The following TPGS2 variants were observed in gnomAD, a reference collection of about 807,000 sequenced individuals.
TPGS2 encodes the protein tubulin polyglutamylase complex subunit 2.
Under a neutral mutation model 31.1 loss-of-function variants are expected in TPGS2, and 26 were observed. The observed-to-expected ratio is 0.84, with a 90% CI of 0.61 to 1.16. The LOEUF (loss-of-function observed/expected upper bound fraction) is 1.16, where lower values mean the gene tolerates loss of function less well. Ranked by LOEUF, TPGS2 falls within the 50% of genes most tolerant of loss-of-function variation. The pLI is 0.00. For missense variants in TPGS2, 351 were observed against 363.8 expected (o/e 0.96, Z 0.29); for synonymous variants, 130 against 136.6 (o/e 0.95, Z 0.34).
In TPGS2 at chr18:36,807,878, G is replaced by A. The variant is rs2045236015; in HGVS notation, c.222C>T (p.Gly74=). The A allele has an allele frequency of 3.7e-6, 6 of 1,614,156 alleles. No homozygotes were observed. The highest frequency in any genetic ancestry group is 5.1e-6 in the Non-Finnish European group (6 of 1,180,022). ...DVKNFYLMTN[G]FHMTWSVKLD... is the part of the protein sequence containing the mutation. ...GCTTCACACTCCATGTCATGTGGAA[G>A]CCATTGGTCATCAGGTAAAAGTTCT... The change falls in exon 3 of 7, where the codon GGC becomes GGT. Residue 74 remains glycine (G), a synonymous_variant. Transcript: ENST00000334295.
chr18:36,824,798 ATTG>A (rs2046057798), intron 1 of TPGS2, among the ~76,000 whole-genome samples: 1 of 151,988 alleles, frequency 6.6e-6, no homozygotes, highest in African/African-American at 2.4e-5. Flanking sequence ...TATTTTTTGG[ATTG>A]TTTTGTCACT....
chr18:36,796,407 A>C lies in TPGS2; in HGVS notation c.*398T>G. ...TTTTCATACAATTTACTTTAAATTT[A>C]AATAGTCATATGTGACTAGTGGCTC... On this transcript the variant is annotated 3_prime_UTR_variant, in exon 7 of 7. Coordinates refer to ENST00000334295, the MANE Select transcript of TPGS2 (RefSeq NM_015476.4). 2 of 994,930 alleles carry C rather than the reference A, an allele frequency of 2.0e-6. No individual in the cohort carries two copies. The highest frequency in any genetic ancestry group is 2.4e-6 in the Non-Finnish European group (2 of 835,604). 61.6% of individuals were successfully genotyped at this position (994,930 alleles called of 1,614,324 possible).
intron 1 of TPGS2, 74 bp downstream of exon 1, chr18:36,828,609 A>AC (rs2046311588): frequency 4.8e-5 from 73 of 1,530,874 alleles, no homozygotes; most frequent in Non-Finnish European, 6.5e-5. Context: ...CGCACCGCTC[A>AC]CCCCGCACCT....
chr18:36,813,149 A>G (rs2045503703), intron 2 of TPGS2, among the ~76,000 whole-genome samples: 2 of 152,234 alleles, frequency 1.3e-5, no homozygotes, highest in Admixed American at 1.3e-4. Context: ...CTTAAGCCAA[A>G]CATATTCCTA....
At chr18:36,821,844 T>C (rs917571896) in intron 1 of TPGS2, among the ~76,000 whole-genome samples, 16 of 152,216 alleles carry the variant, frequency 1.1e-4, no homozygotes, top group African/African-American at 3.9e-4. Flanking sequence ...CCTCCTCCTG[T>C]TCCCCGCTGG....
Position 36,796,187 on chromosome 18 carries a change from A to G in TPGS2, c.*618T>C. The G allele has an allele frequency of 2.0e-6, 2 of 985,424 alleles. No homozygotes were observed. The highest frequency in any genetic ancestry group is 2.4e-6 in the Non-Finnish European group (2 of 829,936). 61.0% of individuals were successfully genotyped at this position (985,424 alleles called of 1,614,324 possible). On this transcript the variant is annotated 3_prime_UTR_variant, in exon 7 of 7. Transcript: ENST00000334295. ...TACTTGAGAGGTTTCATGGAACATT[A>G]TGACCCATCCAATGAAGACATCAAC... is the stretch of plus-strand genomic sequence containing the variant.
chr18:36,798,623 C>G lies in TPGS2; in HGVS notation c.497-14G>C. On this transcript the variant is annotated splice_polypyrimidine_tract_variant and intron_variant, in intron 5 of 6. Coordinates refer to ENST00000334295, the MANE Select transcript of TPGS2 (RefSeq NM_015476.4). ...CTTCTGCTAATGCTGAAGTAGAAGA[C>G]AAAGGAAGTAAAAGATAAAGAATAG... 1.2e-6 allele frequency: 2 copies of G among 1,608,880 alleles called. No homozygotes were observed. The highest frequency in any genetic ancestry group is 1.7e-6 in the Non-Finnish European group (2 of 1,176,242).
At chr18:36,804,813 T>C (rs778477442) in intron 4 of TPGS2, among the ~76,000 whole-genome samples, 1 of 152,196 alleles carries the variant, frequency 6.6e-6, no homozygotes, top group Non-Finnish European at 1.5e-5. Context: ...AGAAAACCAT[T>C]GTTTTCTTGA....
At chr18:36,793,857 C>A (rs1203887892), downstream of TPGS2, among the ~76,000 whole-genome samples, 12 of 151,996 alleles carry the variant, frequency 7.9e-5, no homozygotes, top group Admixed American at 7.9e-4. Context: ...CCTGCCTCAG[C>A]CTCCCGAGTA....
At chr18:36,793,512 G>A (rs543635039), downstream of TPGS2, among the ~76,000 whole-genome samples, 17 of 152,276 alleles carry the variant, frequency 1.1e-4, no homozygotes, top group Admixed American at 7.8e-4. Flanking sequence ...TCATGAAGGA[G>A]CCCTATCATA....
At position 36,796,826 on chromosome 18, in the gene TPGS2, A is replaced by G. The variant is rs2044549997; in HGVS notation, c.882T>C (p.Ser294=). ...GTGCTCACTTCCGGGTGGGGTTTCC[A>G]GAGCCAGAGGAGGATTTAGAAGTGG... ...TSSTSKSSSG[S]GNPTRK The change falls in exon 7 of 7, where the codon TCT becomes TCC. Residue 294 remains serine, a synonymous_variant. Coordinates refer to ENST00000334295, the MANE Select transcript of TPGS2 (RefSeq NM_015476.4). The G allele has an allele frequency of 1.9e-6, 3 of 1,595,608 alleles. No homozygotes were observed. The highest frequency in any genetic ancestry group is 2.6e-6 in the Non-Finnish European group (3 of 1,175,026).
At chr18:36,827,899 G>A (rs1268439687) in intron 1 of TPGS2, among the ~76,000 whole-genome samples, 4 of 152,028 alleles carry the variant, frequency 2.6e-5, no homozygotes, top group Non-Finnish European at 4.4e-5. Flanking sequence ...CTAACATAGT[G>A]GTGAGTACTA....
rs919277214 is a variant in TPGS2, at chr18:36,823,460, G to GTTTTTTTTTTTTTTTTTT, written c.86-4505_86-4488dup. 7.2e-4 allele frequency among the ~76,000 whole-genome samples: 78 copies of GTTTTTTTTTTTTTTTTTT among 108,082 alleles called. 8 individuals carry two copies. The highest frequency in any genetic ancestry group is 1.2e-3 in the Non-Finnish European group (68 of 54,588). The allele number at this position is 108,082 out of a possible 152,430, so 70.9% of individuals were successfully genotyped here. On this transcript the variant is annotated intron_variant, in intron 1 of 6. Transcript: ENST00000334295. ...TCTCTGACTTCCTTGTTAACAGCTT[G>GTTTTTTTTTTTTTTTTTT]TTTTTTTTTTTTTTTTTTGAGACGG...
At chr18:36,827,503 G>T (rs900347160) in intron 1 of TPGS2, among the ~76,000 whole-genome samples, 3 of 152,224 alleles carry the variant, frequency 2.0e-5, no homozygotes, top group South Asian at 2.1e-4. Flanking sequence ...CCCGCTTAGT[G>T]TGTTTAAGGT....
chr18:36,807,143 G>GT (rs1409552376), intron 3 of TPGS2, among the ~76,000 whole-genome samples: 1 of 152,158 alleles, frequency 6.6e-6, no homozygotes, highest in Non-Finnish European at 1.5e-5. Flanking sequence ...TGGGGAATCT[G>GT]TGCCACGAAC....
intron 2 of TPGS2, chr18:36,817,567 C>G (rs1429806840): frequency 6.6e-6 from 1 of 152,112 alleles, no homozygotes; most frequent in Non-Finnish European, 1.5e-5. Flanking sequence ...TCCCCAATAG[C>G]TGGGAGGACA....
intron 4 of TPGS2, among the ~76,000 whole-genome samples, chr18:36,801,630 C>A (rs1384448204): frequency 6.6e-6 from 1 of 152,178 alleles, no homozygotes; most frequent in Non-Finnish European, 1.5e-5. Context: ...GACTGAACAA[C>A]CTATTTTTTC....
downstream of TPGS2, chr18:36,789,487 A>G (rs912947351): frequency 6.6e-6 from 1 of 152,346 alleles, no homozygotes; most frequent in South Asian, 2.1e-4. Context: ...ATGTATTAGC[A>G]CAGGTCTGAG....
chr18:36,795,450 C>CAAAA lies in TPGS2; in HGVS notation c.*1351_*1354dup, dbSNP rs2044485350. On this transcript the variant is annotated 3_prime_UTR_variant, in exon 7 of 7. Transcript: ENST00000334295. ...TTCTCTAACCTCTGGGACTTCAGTA[C>CAAAA]AAAAACTGCAGCCACCCAAAGAACT... 1 of 985,270 alleles carries CAAAA rather than the reference C, an allele frequency of 1.0e-6. No homozygotes were observed. The highest frequency in any genetic ancestry group is 1.7e-5 in the African/African-American group (1 of 57,218). 61.0% of individuals were successfully genotyped at this position (985,270 alleles called of 1,614,324 possible).
Sources: gnomAD v4.1 joint callset for allele counts (sites outside exome capture counted in the v4.1 genomes callset) on GRCh38, gnomAD v4.1.1 for gene constraint, MANE v1.5 for transcripts, NCBI Gene and HGNC (gene_info 2026-07-23, HGNC 2026-07-21) for gene names.